The following PTPRD variants were observed in gnomAD, a reference collection of about 807,000 sequenced individuals.
The protein encoded by PTPRD is protein tyrosine phosphatase receptor type D, also known as receptor-type tyrosine-protein phosphatase delta.
PTPRD carries 34 observed loss-of-function variants against 214.5 expected under a neutral mutation model. The ratio of observed to expected loss-of-function variants is 0.16; its 90% CI spans 0.12 to 0.21. PTPRD has a LOEUF of 0.21. Ranked by LOEUF, PTPRD falls within the 10% of genes least tolerant of loss-of-function variation. PTPRD has a pLI of 1.00. For synonymous variants in PTPRD, 1,128 were observed against 845.7 expected, an observed-to-expected ratio of 1.33 and a Z score of -5.79; for missense variants, 2,545 against 2,398.7, an observed-to-expected ratio of 1.06 and a Z score of -1.27.
At chr9:8,593,733 G>C (rs553025570) in intron 14 of PTPRD, among the ~76,000 whole-genome samples, 6 of 152,248 alleles carry the variant, frequency 3.9e-5, no homozygotes, top group African/African-American at 1.4e-4. Flanking sequence ...TAGTATTTTG[G>C]AAAATGCAAC....
At chr9:9,608,993 T>G (rs577875079) in intron 7 of PTPRD, among the ~76,000 whole-genome samples, 4 of 152,202 alleles carry the variant, frequency 2.6e-5, no homozygotes, top group Non-Finnish European at 4.4e-5. Context: ...GCTAGAGTAT[T>G]GTGATTATAC....
chr9:9,431,773 A>G (rs2083237180), intron 8 of PTPRD, among the ~76,000 whole-genome samples: 2 of 151,790 alleles, frequency 1.3e-5, no homozygotes, highest in Admixed American at 1.3e-4. Flanking sequence ...TGAAGCTGGA[A>G]ACCATCATTC....
chr9:8,650,389 G>C (rs986839401), intron 12 of PTPRD, among the ~76,000 whole-genome samples: 1 of 152,018 alleles, frequency 6.6e-6, no homozygotes, highest in African/African-American at 2.4e-5. Context: ...ATTAGGCACA[G>C]TGGCACATGC....
At chr9:8,660,246 C>T (rs1423637756) in intron 12 of PTPRD, among the ~76,000 whole-genome samples, 1 of 151,384 alleles carries the variant, frequency 6.6e-6, no homozygotes, top group Non-Finnish European at 1.5e-5. Flanking sequence ...ATAATCTAAG[C>T]TAAGCAATAA....
chr9:10,493,715 A>G (rs1163644389), intron 2 of PTPRD, among the ~76,000 whole-genome samples: 1 of 152,024 alleles, frequency 6.6e-6, no homozygotes, highest in Non-Finnish European at 1.5e-5. Flanking sequence ...AAAGTTTGGA[A>G]ATTTATAAAG....
intron 9 of PTPRD, among the ~76,000 whole-genome samples, chr9:9,352,769 G>C (rs73393047): frequency 0.026 from 3,908 of 151,986 alleles, 173 homozygotes; most frequent in African/African-American, 0.089. Flanking sequence ...TTCTCTCAGA[G>C]TTGTAATAAT....
intron 37 of PTPRD, 107 bp from the exon 38 acceptor site, chr9:8,376,833 T>C (rs2083397403): frequency 2.1e-6 from 3 of 1,445,448 alleles, no homozygotes; most frequent in Admixed American, 2.0e-5. Flanking sequence ...CTTCATTTTA[T>C]GTTGATCTTT....
intron 3 of PTPRD, among the ~76,000 whole-genome samples, chr9:10,034,592 T>G (rs551197053): frequency 8.6e-5 from 13 of 152,024 alleles, no homozygotes; most frequent in African/African-American, 2.6e-4. Flanking sequence ...CACCCTCCAA[T>G]AGGCCCCAGT....
At chr9:8,620,364 C>A (rs555963663) in intron 14 of PTPRD, among the ~76,000 whole-genome samples, 242 of 152,160 alleles carry the variant, frequency 1.6e-3, no homozygotes, top group African/African-American at 5.6e-3. Context: ...AACAAGACAG[C>A]ATGCCGCTCA....
rs759737427 is a variant in PTPRD at position 8,518,196 on chromosome 9, T to C, written c.1195A>G (p.Ile399Val). 2 of 1,614,174 alleles carry C rather than the reference T, an allele frequency of 1.2e-6. No homozygotes were observed. The highest frequency in any genetic ancestry group is 1.7e-5 in the Admixed American group (1 of 60,024). The change falls in exon 21 of 46, where the codon ATT becomes GTT. Residue 399 changes from isoleucine to valine, a missense_variant. Physicochemically the swap from Ile to Val is conservative, Grantham distance 29. Coordinates refer to ENST00000381196, the MANE Select transcript of PTPRD (RefSeq NM_002839.4). ...YEFRVVAVNN[I>V]GRGPPSEPVL... Reference sequence around the variant, plus strand: ...GGTTCGCTGGGAGGCCCCCGCCCAATGTTATTGACAGCAACAACCCTGAAT... The same window carrying C: ...GGTTCGCTGGGAGGCCCCCGCCCAACGTTATTGACAGCAACAACCCTGAAT...
At chr9:8,773,600 C>G (rs1489438455) in intron 11 of PTPRD, among the ~76,000 whole-genome samples, 1 of 152,124 alleles carries the variant, frequency 6.6e-6, no homozygotes, top group Non-Finnish European at 1.5e-5. Context: ...TCAGAATTAT[C>G]TTTTCACAAC....
At chr9:10,248,393 G>A (rs1228634512) in intron 3 of PTPRD, among the ~76,000 whole-genome samples, 1 of 151,558 alleles carries the variant, frequency 6.6e-6, no homozygotes, top group Non-Finnish European at 1.5e-5. Context: ...AGAAAAACTT[G>A]GAAAAGAAAC....
intron 32 of PTPRD, among the ~76,000 whole-genome samples, chr9:8,461,606 A>ATT (rs112467189): frequency 1.2e-3 from 168 of 139,396 alleles, no homozygotes; most frequent in African/African-American, 4.3e-3. Flanking sequence ...CATTGGTCCT[A>ATT]TTTTTTTTTT....
At chr9:10,357,473 G>A (rs2097300079) in intron 2 of PTPRD, among the ~76,000 whole-genome samples, 1 of 152,156 alleles carries the variant, frequency 6.6e-6, no homozygotes, top group Admixed American at 6.5e-5. Flanking sequence ...TTCAGTGCCA[G>A]TAAAATGGAA....
chr9:9,365,585 C>A (rs982623400), intron 9 of PTPRD, among the ~76,000 whole-genome samples: 3 of 151,404 alleles, frequency 2.0e-5, no homozygotes, highest in African/African-American at 7.3e-5. Flanking sequence ...ACTAAATGGA[C>A]AGCTGTTCAT....
chr9:8,931,142 G>A (rs1480126312), intron 11 of PTPRD, among the ~76,000 whole-genome samples: 1 of 151,898 alleles, frequency 6.6e-6, no homozygotes, highest in Non-Finnish European at 1.5e-5. Flanking sequence ...TTTTGTATAA[G>A]GTGTAAGGAA....
At chr9:8,612,834 T>A (rs1340690722) in intron 14 of PTPRD, among the ~76,000 whole-genome samples, 1 of 152,204 alleles carries the variant, frequency 6.6e-6, no homozygotes, top group Non-Finnish European at 1.5e-5. Context: ...GCAAGACTAT[T>A]AGCATGTTTT....
In PTPRD at chr9:8,965,817, G is replaced by A. The variant is rs2099190495; in HGVS notation, c.-104+52880C>T. Among the ~76,000 whole-genome samples, 3 of 152,136 alleles carry A rather than the reference G, an allele frequency of 2.0e-5. 1 individual carries two copies. The highest frequency in any genetic ancestry group is 4.1e-4 in the South Asian group (2 of 4,822). On this transcript the variant is annotated intron_variant, in intron 11 of 45. Coordinates refer to ENST00000381196, the MANE Select transcript of PTPRD (RefSeq NM_002839.4). The stretch of plus-strand genomic sequence containing the variant: ...ATTAGGCAAGATAAAGAAATAAAAG[G>A]CATCCAAATAGGAAAAGAATAAGTC...
At chr9:9,275,116 ATAT>A (rs1307372429) in intron 9 of PTPRD, among the ~76,000 whole-genome samples, 5 of 55,132 alleles carry the variant, frequency 9.1e-5, no homozygotes, top group African/African-American at 1.6e-4. Flanking sequence ...TATTATATAT[ATAT>A]TATATATATT....
Sources: allele counts gnomAD v4.1 joint callset (sites outside exome capture counted in the v4.1 genomes callset), GRCh38; gene constraint gnomAD v4.1.1; transcripts MANE v1.5; gene names NCBI Gene and HGNC (gene_info 2026-07-23, HGNC 2026-07-21).